PCDH15: variants seen among roughly 807,000 people sequenced by gnomAD.
PCDH15 encodes protocadherin related 15, also known as protocadherin-15.
Under a neutral mutation model 178.5 loss-of-function variants are expected in PCDH15, and 129 were observed. The observed-to-expected ratio is 0.72, with a 90% CI of 0.63 to 0.84. The LOEUF (loss-of-function observed/expected upper bound fraction) is 0.84, where lower values mean the gene tolerates loss of function less well. Ranked by LOEUF, PCDH15 falls within the 40% of genes least tolerant of loss-of-function variation. The probability of loss-of-function intolerance (pLI) is 0.00; values close to 1 mark genes in which losing one functional copy is unlikely to be tolerated. For synonymous variants in PCDH15, 800 were observed against 732.0 expected (o/e 1.09, Z -1.50); for missense variants, 2,230 against 2,099.9 (o/e 1.06, Z -1.21).
At chr10:54,759,636 T>G (rs1231857069) in intron 1 of PCDH15, among the ~76,000 whole-genome samples, 1 of 152,230 alleles carries the variant, frequency 6.6e-6, no homozygotes. Flanking sequence ...AGCGTATTTT[T>G]AAAATTGTTA....
At chr10:55,415,101 T>A (rs891733785) in intron 2 of PCDH15, among the ~76,000 whole-genome samples, 1 of 151,748 alleles carries the variant, frequency 6.6e-6, no homozygotes, top group South Asian at 2.1e-4. Context: ...GTGCCTAATT[T>A]AACAAGAGAC....
intron 1 of PCDH15, among the ~76,000 whole-genome samples, chr10:54,713,175 T>C (rs1048786537): frequency 6.6e-6 from 1 of 151,866 alleles, no homozygotes; most frequent in Non-Finnish European, 1.5e-5. Flanking sequence ...CATGTGTTCA[T>C]AGATGTGGCT....
rs1315127279 is a variant in PCDH15, at chr10:54,242,201, T to C, written c.877-5270A>G. On this transcript the variant is annotated intron_variant, in intron 8 of 37. Transcript: ENST00000644397. ...ATATATATATATACACACACACACA[T>C]ACATACATACACATAATCATTAATA... is the stretch of plus-strand genomic sequence containing the variant. Among the ~76,000 whole-genome samples, 19 of 116,756 alleles carry C rather than the reference T, an allele frequency of 1.6e-4. 1 individual carries two copies. The highest frequency in any genetic ancestry group is 2.5e-4 in the African/African-American group (8 of 31,994). 76.6% of individuals were successfully genotyped at this position (116,756 alleles called of 152,430 possible).
chr10:55,444,886 A>C (rs796879978), intron 2 of PCDH15, among the ~76,000 whole-genome samples: 5 of 152,310 alleles, frequency 3.3e-5, no homozygotes, highest in African/African-American at 1.2e-4. Flanking sequence ...ACGCTAAATG[A>C]CATTTAAACA....
intron 3 of PCDH15, among the ~76,000 whole-genome samples, chr10:54,472,240 A>G (rs907584812): frequency 6.6e-6 from 1 of 152,026 alleles, no homozygotes; most frequent in African/African-American, 2.4e-5. Flanking sequence ...TGCATGACTT[A>G]GAACTAAACA....
intron 2 of PCDH15, among the ~76,000 whole-genome samples, chr10:55,117,705 C>G (rs1013804384): frequency 4.6e-5 from 7 of 152,134 alleles, no homozygotes; most frequent in African/African-American, 1.7e-4. Context: ...TGTACAGGCT[C>G]TGTGAGGCAA....
At chr10:53,894,902 G>C (rs1326244482) in intron 26 of PCDH15, among the ~76,000 whole-genome samples, 2 of 152,170 alleles carry the variant, frequency 1.3e-5, no homozygotes, top group East Asian at 3.9e-4. Flanking sequence ...TAGAATGTCA[G>C]TCCAGTGCTC....
chr10:55,584,560 G>A (rs1842685729), intron 2 of PCDH15, among the ~76,000 whole-genome samples: 1 of 149,166 alleles, frequency 6.7e-6, no homozygotes, highest in Admixed American at 6.8e-5. Context: ...GGGAGGCTGA[G>A]GCAGGAAAAT....
At chr10:53,933,426 TG>T (rs2085269800) in intron 25 of PCDH15, among the ~76,000 whole-genome samples, 2 of 151,722 alleles carry the variant, frequency 1.3e-5, no homozygotes, top group South Asian at 4.2e-4. Flanking sequence ...ATGTGGTGTT[TG>T]GTTTTTTGTC....
chr10:55,393,773 A>G (rs1202810926), intron 2 of PCDH15, among the ~76,000 whole-genome samples: 1 of 152,112 alleles, frequency 6.6e-6, no homozygotes, highest in Non-Finnish European at 1.5e-5. Flanking sequence ...TTCTTTTTGG[A>G]TAAGCAACTA....
At chr10:53,873,139 T>C (rs1474974170) in intron 26 of PCDH15, among the ~76,000 whole-genome samples, 2 of 152,218 alleles carry the variant, frequency 1.3e-5, no homozygotes, top group Admixed American at 1.3e-4. Flanking sequence ...ATACCTATTT[T>C]TCACAGTTAA....
chr10:55,093,453 C>A (rs1190605968), intron 2 of PCDH15, among the ~76,000 whole-genome samples: 2 of 151,956 alleles, frequency 1.3e-5, no homozygotes, highest in Admixed American at 1.3e-4. Flanking sequence ...ATGGTAATTT[C>A]TTTTAATGTG....
chr10:55,390,199 G>A (rs962342423), intron 2 of PCDH15, among the ~76,000 whole-genome samples: 6 of 151,796 alleles, frequency 4.0e-5, no homozygotes, highest in Admixed American at 6.6e-5. Flanking sequence ...ATATAATAGC[G>A]TTATGTCTAA....
At chr10:54,422,841 G>A (rs1338173714) in intron 3 of PCDH15, among the ~76,000 whole-genome samples, 1 of 152,068 alleles carries the variant, frequency 6.6e-6, no homozygotes, top group African/African-American at 2.4e-5. Flanking sequence ...TGAAAATTCT[G>A]AGCATGTGCT....
intron 1 of PCDH15, among the ~76,000 whole-genome samples, chr10:55,310,635 T>C (rs1843562560): frequency 6.6e-6 from 1 of 152,154 alleles, no homozygotes; most frequent in Non-Finnish European, 1.5e-5. Flanking sequence ...TATTTAAAAA[T>C]GATAGACTGG....
chr10:55,442,641 T>TA (rs1416694752), intron 2 of PCDH15, among the ~76,000 whole-genome samples: 2 of 150,940 alleles, frequency 1.3e-5, no homozygotes, highest in Non-Finnish European at 3.0e-5. Context: ...AAACTTTTAA[T>TA]TAATTAAGCC....
chr10:54,905,348 T>C (rs1277698448), intron 2 of PCDH15, among the ~76,000 whole-genome samples: 1 of 152,170 alleles, frequency 6.6e-6, no homozygotes, highest in Non-Finnish European at 1.5e-5. Context: ...CAACACTGTA[T>C]TTATTTCGCT....
At chr10:55,046,457 T>C (rs1219909422) in intron 2 of PCDH15, among the ~76,000 whole-genome samples, 1 of 152,038 alleles carries the variant, frequency 6.6e-6, no homozygotes, top group Admixed American at 6.6e-5. Context: ...TCATTATACA[T>C]TTTGTAGAAA....
chr10:55,451,371 G>A (rs1839431688), intron 2 of PCDH15, among the ~76,000 whole-genome samples: 2 of 151,992 alleles, frequency 1.3e-5, no homozygotes, highest in African/African-American at 4.8e-5. Flanking sequence ...GGTGGCATGA[G>A]CCTGTAGTCC....
Sources: gnomAD v4.1 joint callset for allele counts (sites outside exome capture counted in the v4.1 genomes callset) on GRCh38, gnomAD v4.1.1 for gene constraint, MANE v1.5 for transcripts, NCBI Gene and HGNC (gene_info 2026-07-23, HGNC 2026-07-21) for gene names.